Variants in SLC4A10 observed in about 807,000 individuals in gnomAD.
SLC4A10 encodes sodium-driven chloride bicarbonate exchanger.
A neutral mutation model predicts 137.7 loss-of-function variants in SLC4A10; 42 were observed. That is an observed-to-expected ratio of 0.30 (90% CI 0.24 to 0.39). SLC4A10 has a LOEUF of 0.39. Ranked by LOEUF, SLC4A10 falls within the 10% of genes least tolerant of loss-of-function variation. SLC4A10 has a pLI of 1.00. For missense variants in SLC4A10, 925 were observed against 1,355.0 expected (o/e 0.68, Z 4.98); for synonymous variants, 474 against 464.1 (o/e 1.02, Z -0.27).
intron 1 of SLC4A10, among the ~76,000 whole-genome samples, chr2:161,629,011 A>G (rs1304028489): frequency 6.6e-6 from 1 of 151,972 alleles, no homozygotes; most frequent in Non-Finnish European, 1.5e-5. Flanking sequence ...CTAACCTTGA[A>G]TGATGGTTGC....
In SLC4A10 at chr2:161,669,177, T is replaced by C. The variant is rs1238969463; in HGVS notation, c.48+44611T>C. ...AACAATTTATTTTTAGCCCACTAGT[T>C]TGACTGTCTTTTATTTTTACGAAGA... On this transcript the variant is annotated intron_variant, in intron 1 of 26. Coordinates refer to ENST00000446997, the MANE Select transcript of SLC4A10 (RefSeq NM_001178015.2). 2.0e-5 allele frequency among the ~76,000 whole-genome samples: 3 copies of C among 151,902 alleles called. No homozygotes were observed. In the East Asian group the frequency reaches 5.8e-4, roughly 29 times the overall value.
rs1324978148 is a variant in SLC4A10 at position 161,934,518 on chromosome 2, A to G, written c.1998-8274A>G. Among the ~76,000 whole-genome samples the G allele has an allele frequency of 2.0e-5, 3 of 152,290 alleles. No individual in the cohort carries two copies. The East Asian group carries it at 5.8e-4, about 29-fold the overall frequency. ...AGGATCTCATTCTTTTTATGGCTGA[A>G]TAGTATTTCATCATATATATGTACC... On this transcript the variant is annotated intron_variant, in intron 15 of 26. Transcript: ENST00000446997.
At chr2:161,727,257 C>G (rs1160481039) in intron 1 of SLC4A10, among the ~76,000 whole-genome samples, 3 of 152,196 alleles carry the variant, frequency 2.0e-5, no homozygotes, top group Non-Finnish European at 4.4e-5. Flanking sequence ...CCTGTGGAAT[C>G]TAACCAGCTC....
At chr2:161,834,791 T>A (rs2058660816) in intron 3 of SLC4A10, among the ~76,000 whole-genome samples, 1 of 151,980 alleles carries the variant, frequency 6.6e-6, no homozygotes, top group Non-Finnish European at 1.5e-5. Context: ...TGCCATGTAG[T>A]GGCTTGCATG....
intron 1 of SLC4A10, among the ~76,000 whole-genome samples, chr2:161,726,167 T>A (rs2046199002): frequency 6.6e-6 from 1 of 152,116 alleles, no homozygotes; most frequent in Admixed American, 6.6e-5. Context: ...CATTGAGGGG[T>A]TGTTTACTGT....
At chr2:161,704,613 A>C (rs1403106001) in intron 1 of SLC4A10, among the ~76,000 whole-genome samples, 2 of 151,520 alleles carry the variant, frequency 1.3e-5, no homozygotes, top group African/African-American at 4.8e-5. Context: ...AAAATCAGAC[A>C]TTTTGTCTAT....
At chr2:161,809,964 G>T (rs1468881076) in intron 3 of SLC4A10, among the ~76,000 whole-genome samples, 1 of 152,002 alleles carries the variant, frequency 6.6e-6, no homozygotes, top group Non-Finnish European at 1.5e-5. Flanking sequence ...AAATTGCTTT[G>T]GGCAGTATGG....
intron 10 of SLC4A10, among the ~76,000 whole-genome samples, chr2:161,891,459 C>T (rs1376277627): frequency 2.0e-5 from 3 of 152,120 alleles, no homozygotes; most frequent in African/African-American, 7.2e-5. Context: ...GGTCTATTCA[C>T]ATGGTCCCAT....
At chr2:161,925,303 C>T (rs1249304072) in intron 15 of SLC4A10, among the ~76,000 whole-genome samples, 2 of 152,078 alleles carry the variant, frequency 1.3e-5, no homozygotes, top group Non-Finnish European at 2.9e-5. Flanking sequence ...GGAATTTATC[C>T]ATTTCTTCTA....
chr2:161,899,164 A>G (rs2063829969), intron 11 of SLC4A10, among the ~76,000 whole-genome samples: 1 of 151,956 alleles, frequency 6.6e-6, no homozygotes, highest in African/African-American at 2.4e-5. Context: ...CTTCACATCT[A>G]CTCAAGAGCA....
chr2:161,895,545 C>A (rs1291119352), intron 11 of SLC4A10, among the ~76,000 whole-genome samples: 1 of 152,134 alleles, frequency 6.6e-6, no homozygotes, highest in Non-Finnish European at 1.5e-5. Context: ...TAAAAGTGTT[C>A]CTATTTCTGC....
At chr2:161,661,936 A>C (rs1407237034) in intron 1 of SLC4A10, among the ~76,000 whole-genome samples, 1 of 152,198 alleles carries the variant, frequency 6.6e-6, no homozygotes, top group Admixed American at 6.5e-5. Flanking sequence ...CAAGCTAAGC[A>C]TGGGACCTCA....
intron 1 of SLC4A10, among the ~76,000 whole-genome samples, chr2:161,757,699 A>C (rs2049817611): frequency 6.6e-6 from 1 of 152,144 alleles, no homozygotes; most frequent in Non-Finnish European, 1.5e-5. Flanking sequence ...CCTCTTATAA[A>C]TCTAAGCTTA....
intron 1 of SLC4A10, among the ~76,000 whole-genome samples, chr2:161,770,514 A>G (rs757927300): frequency 3.0e-4 from 45 of 151,866 alleles, no homozygotes; most frequent in Non-Finnish European, 5.6e-4. Flanking sequence ...CTTTCAAGAG[A>G]TTAGATCCCC....
intron 3 of SLC4A10, among the ~76,000 whole-genome samples, chr2:161,807,706 A>C (rs2056136195): frequency 6.6e-6 from 1 of 152,058 alleles, no homozygotes; most frequent in South Asian, 2.1e-4. Flanking sequence ...CTTAGGTTCT[A>C]AGTTTTAGTT....
At chr2:161,722,940 G>A (rs1427171125) in intron 1 of SLC4A10, among the ~76,000 whole-genome samples, 1 of 152,150 alleles carries the variant, frequency 6.6e-6, no homozygotes, top group Non-Finnish European at 1.5e-5. Context: ...ACCTAAAGAA[G>A]CAGTCTGGCC....
intron 10 of SLC4A10, among the ~76,000 whole-genome samples, chr2:161,893,627 G>A (rs1242296008): frequency 6.6e-6 from 1 of 151,998 alleles, no homozygotes; most frequent in Non-Finnish European, 1.5e-5. Flanking sequence ...TTAAGCCTAG[G>A]AGTTCAAGGC....
intron 1 of SLC4A10, among the ~76,000 whole-genome samples, chr2:161,745,810 G>T (rs62189042): frequency 0.081 from 12,385 of 152,148 alleles, 648 homozygotes; most frequent in East Asian, 0.14. Context: ...TTGGTAACAC[G>T]GTGGCTCTTG....
chr2:161,854,896 C>G, intron 4 of SLC4A10, 74 bp from the exon 5 acceptor site: 1 of 1,378,536 alleles, frequency 7.3e-7, no homozygotes, highest in Non-Finnish European at 9.6e-7. Context: ...CTATTTCAAC[C>G]TTTTATTTTT....
Sources: allele counts gnomAD v4.1 joint callset (sites outside exome capture counted in the v4.1 genomes callset), GRCh38; gene constraint gnomAD v4.1.1; transcripts MANE v1.5; gene names NCBI Gene and HGNC (gene_info 2026-07-23, HGNC 2026-07-21).